INTS7: variants seen among roughly 807,000 people sequenced by gnomAD.
INTS7 encodes the protein chromosome 1 open reading frame 73.
In INTS7, 46 loss-of-function variants were observed where a neutral mutation model predicts 109.2. That is an observed-to-expected ratio of 0.42 (90% confidence interval 0.33 to 0.54). The LOEUF (loss-of-function observed/expected upper bound fraction) is 0.54. INTS7 is among the 20% of genes least tolerant of loss of function. The pLI is 0.07. For missense variants in INTS7, 929 were observed against 1,132.4 expected (o/e 0.82, Z 2.58); for synonymous variants, 412 against 402.9 (o/e 1.02, Z -0.27).
At chr1:212,001,170 G>A (rs986141640) in intron 7 of INTS7, among the ~76,000 whole-genome samples, 1 of 150,044 alleles carries the variant, frequency 6.7e-6, no homozygotes, top group African/African-American at 2.5e-5. Context: ...GGATTCAAGC[G>A]ATTCTCCTGC....
At chr1:212,014,972 G>A (rs1472894868) in intron 4 of INTS7, among the ~76,000 whole-genome samples, 2 of 149,840 alleles carry the variant, frequency 1.3e-5, no homozygotes, top group African/African-American at 4.9e-5. Context: ...TGGGAAGTGA[G>A]GAGCGTCTCT....
chr1:211,957,462 C>T (rs1663422229), intron 16 of INTS7, among the ~76,000 whole-genome samples: 1 of 152,044 alleles, frequency 6.6e-6, no homozygotes, highest in South Asian at 2.1e-4. Flanking sequence ...AGGAGAATCG[C>T]TTGAACCTGG....
In INTS7 at chr1:211,941,741, A is replaced by C. The variant is rs542888995; in HGVS notation, c.*83T>G. The C allele has an allele frequency of 6.7e-7, 1 of 1,503,752 alleles. No homozygotes were observed. Among genetic ancestry groups the C allele is most frequent in the South Asian group, 1.3e-5 (1 of 76,314 alleles). 93.2% of individuals were successfully genotyped at this position (1,503,752 alleles called of 1,614,324 possible). On this transcript the variant is annotated 3_prime_UTR_variant, in exon 20 of 20. Coordinates refer to ENST00000366994, the MANE Select transcript of INTS7 (RefSeq NM_015434.4). ...AATAAATGAACTACACTGTAACTTT[A>C]ATACTTATTCCATATGAAAAACCAA...
intron 5 of INTS7, among the ~76,000 whole-genome samples, chr1:212,010,611 T>C (rs1214406271): frequency 2.6e-5 from 4 of 152,286 alleles, no homozygotes; most frequent in Non-Finnish European, 5.9e-5. Context: ...CATACGATTA[T>C]AATGGAGCTG....
chr1:212,032,494 T>C (rs1571925819), intron 1 of INTS7, among the ~76,000 whole-genome samples: 1 of 152,034 alleles, frequency 6.6e-6, no homozygotes, highest in African/African-American at 2.4e-5. Context: ...TTTTTTTTTT[T>C]TCGAGACAGT....
intron 5 of INTS7, among the ~76,000 whole-genome samples, chr1:212,008,942 A>G (rs1212693977): frequency 6.6e-6 from 1 of 152,074 alleles, no homozygotes; most frequent in Admixed American, 6.5e-5. Context: ...TCTCCTAAGT[A>G]TTCTCCCTGC....
At chr1:211,974,274 A>AT (rs1553249475) in intron 13 of INTS7, among the ~76,000 whole-genome samples, 5,953 of 78,686 alleles carry the variant, frequency 0.076, 169 homozygotes, top group East Asian at 0.13. Flanking sequence ...CCAGAAAAAA[A>AT]AAATATATAT....
intron 7 of INTS7, among the ~76,000 whole-genome samples, chr1:212,004,017 T>C (rs2102463789): frequency 6.6e-6 from 1 of 152,320 alleles, no homozygotes; most frequent in East Asian, 1.9e-4. Context: ...ATGCTCCATC[T>C]GAAAATGACA....
intron 1 of INTS7, 50 bp downstream of exon 1, chr1:212,035,294 C>G (rs1449785426): frequency 2.4e-6 from 3 of 1,248,262 alleles, no homozygotes; most frequent in Non-Finnish European, 3.5e-6. Context: ...CCTGGTGGCG[C>G]CACTTCCCCC....
At position 211,952,595 on chromosome 1, in the gene INTS7, GATT is replaced by G; in HGVS notation, c.2287_2289del (p.Asn763del). 6.2e-7 allele frequency: 1 copy of G among 1,612,798 alleles called. No homozygotes were observed. The highest frequency in any genetic ancestry group is 8.5e-7 in the Non-Finnish European group (1 of 1,179,468). Reference sequence around the variant, plus strand: ...ATATAAGAAACAGGGGTATATTTCCGATTGAGTGATTCTACCTCCTCCAAGACA... The same window carrying G: ...ATATAAGAAACAGGGGTATATTTCCGGAGTGATTCTACCTCCTCCAAGACA... On this transcript the variant is annotated inframe_deletion, in exon 17 of 20. Coordinates refer to ENST00000366994, the MANE Select transcript of INTS7 (RefSeq NM_015434.4).
intron 2 of INTS7, chr1:212,020,847 A>T: frequency 1.6e-6 from 1 of 624,326 alleles, no homozygotes. Context: ...TAAAATATTA[A>T]GGTTGTCTTA....
In INTS7 at chr1:211,976,604, A is replaced by G. The variant is rs1225208309; in HGVS notation, c.1586T>C (p.Ile529Thr). The change falls in exon 12 of 20, where the codon ATT becomes ACT. Residue 529 changes from isoleucine to threonine, a missense_variant. This residue lies in a region of INTS7 where 787 missense variants were observed against 901.1 expected (regional missense o/e 0.87). Coordinates refer to ENST00000366994, the MANE Select transcript of INTS7 (RefSeq NM_015434.4). ...TACCATTCTGGAAGCCTGTCTGGCA[A>G]TACGGTATACAGTCCATCCATTGGA... ...SVSNGWTVYR[I>T]ARQASRMGNH... 5.0e-6 allele frequency: 8 copies of G among 1,613,854 alleles called. No homozygotes were observed. The highest frequency in any genetic ancestry group is 5.9e-6 in the Non-Finnish European group (7 of 1,179,814).
chr1:211,968,666 T>A lies in INTS7; in HGVS notation c.1857A>T (p.Glu619Asp). The A allele has an allele frequency of 6.2e-7, 1 of 1,613,084 alleles. No individual in the cohort carries two copies. The highest frequency in any genetic ancestry group is 1.1e-5 in the South Asian group (1 of 91,052). The change falls in exon 14 of 20, where the codon GAA becomes GAT. Residue 619 changes from glutamate to aspartate, a missense_variant. Glu to Asp is a conservative substitution (Grantham distance 45). Around this residue, in one of 2 missense-constraint regions of INTS7, gnomAD observed 787 missense variants for 901.1 expected, o/e 0.87. Coordinates refer to ENST00000366994, the MANE Select transcript of INTS7 (RefSeq NM_015434.4). ...AAAGGTCAATCCTGAGTTTTACAAATTCACACTGAAAGCTTAAAGGATTCA... is the reference window on the plus strand; with the variant it reads ...AAAGGTCAATCCTGAGTTTTACAAAATCACACTGAAAGCTTAAAGGATTCA... ...TPLNPLSFQC[E>D]FVKLRIDLLQ...
At chr1:211,997,745 G>T (rs1196123871) in intron 7 of INTS7, among the ~76,000 whole-genome samples, 1 of 151,616 alleles carries the variant, frequency 6.6e-6, no homozygotes. Flanking sequence ...TGGGGGTGAT[G>T]GTGCGCACCT....
chr1:212,023,938 C>T (rs1174412542), intron 1 of INTS7, among the ~76,000 whole-genome samples: 1 of 152,116 alleles, frequency 6.6e-6, no homozygotes, highest in African/African-American at 2.4e-5. Context: ...TAGGGCTAGC[C>T]AGCTATCCCT....
intron 1 of INTS7, among the ~76,000 whole-genome samples, chr1:212,031,358 T>A (rs187364103): frequency 4.6e-5 from 7 of 152,402 alleles, no homozygotes; most frequent in Non-Finnish European, 1.0e-4. Flanking sequence ...TTTTGTGAGA[T>A]GCATCCTTTA....
Position 211,996,274 on chromosome 1 carries a change from T to C in INTS7, c.880-8271A>G, listed in dbSNP as rs867369477. On this transcript the variant is annotated intron_variant, in intron 7 of 19. Coordinates refer to ENST00000366994, the MANE Select transcript of INTS7 (RefSeq NM_015434.4). ...CCATCTCTACTAAAAATATAAAAAT[T>C]AGCCAGGCATGGTGGTGGGCAGCTG... 7.2e-5 allele frequency among the ~76,000 whole-genome samples: 11 copies of C among 152,046 alleles called. 1 individual carries two copies. Among genetic ancestry groups the C allele is most frequent in the East Asian group, 1.9e-4 (1 of 5,166 alleles).
At chr1:212,016,624 T>C (rs911580237) in intron 4 of INTS7, among the ~76,000 whole-genome samples, 4 of 152,204 alleles carry the variant, frequency 2.6e-5, no homozygotes, top group African/African-American at 9.6e-5. Flanking sequence ...AATGAAGCCT[T>C]CTCCAACTAA....
chr1:211,966,812 A>C (rs1325239621), intron 15 of INTS7, among the ~76,000 whole-genome samples: 1 of 152,130 alleles, frequency 6.6e-6, no homozygotes, highest in Non-Finnish European at 1.5e-5. Flanking sequence ...GGGGTTTTTC[A>C]TAAGAGTTTG....
Sources: allele counts gnomAD v4.1 joint callset (sites outside exome capture counted in the v4.1 genomes callset), GRCh38; gene constraint gnomAD v4.1.1; regional missense constraint gnomAD v4.1.1; transcripts MANE v1.5; gene names NCBI Gene and HGNC (gene_info 2026-07-23, HGNC 2026-07-21).